ACTR3C: variants seen among roughly 807,000 people sequenced by gnomAD.
ACTR3C encodes actin-related protein 3C.
In ACTR3C, 18 loss-of-function variants were observed where a neutral mutation model predicts 26.3. The observed-to-expected ratio is 0.68, with a 90% CI of 0.47 to 1.01. ACTR3C has a LOEUF of 1.01. Among genes scored for constraint, ACTR3C ranks in the 50% least tolerant of loss-of-function variants. The pLI is 0.00. For missense variants in ACTR3C, 184 were observed against 250.7 expected, an observed-to-expected ratio of 0.73 and a Z score of 1.80; for synonymous variants, 55 against 94.5, an observed-to-expected ratio of 0.58 and a Z score of 2.42.
chr7:150,009,006 C>T, the ACTR3C span, among the ~76,000 whole-genome samples: 1 of 152,260 alleles, frequency 6.6e-6, no homozygotes, highest in Non-Finnish European at 1.5e-5. Flanking sequence ...AGACGGCAGG[C>T]ATCGTGGCTG....
the ACTR3C span, among the ~76,000 whole-genome samples, chr7:149,936,116 C>T: frequency 2.0e-5 from 3 of 152,132 alleles, no homozygotes; most frequent in African/African-American, 4.8e-5. Flanking sequence ...GGTGACAGAA[C>T]GAGGTAGGTT....
At chr7:149,945,779 G>C in the ACTR3C span, among the ~76,000 whole-genome samples, 2 of 152,208 alleles carry the variant, frequency 1.3e-5, no homozygotes, top group Non-Finnish European at 2.9e-5. Context: ...GGAAGCACTG[G>C]GGAGGCCATC....
the ACTR3C span, among the ~76,000 whole-genome samples, chr7:150,038,664 C>A: frequency 8.3e-5 from 12 of 144,726 alleles, no homozygotes; most frequent in East Asian, 9.8e-4. Flanking sequence ...CACGTAAGGT[C>A]GGAAGATTTG....
the ACTR3C span, among the ~76,000 whole-genome samples, chr7:149,928,207 T>C: frequency 1.3e-5 from 2 of 150,178 alleles, no homozygotes; most frequent in South Asian, 2.1e-4. Flanking sequence ...CTTTTCTTTT[T>C]TTTTTTTTTG....
the ACTR3C span, among the ~76,000 whole-genome samples, chr7:149,972,405 C>G: frequency 6.6e-6 from 1 of 152,240 alleles, no homozygotes; most frequent in East Asian, 1.9e-4. Flanking sequence ...GAAGAAAACA[C>G]TAACTCCCTG....
chr7:150,223,752 A>T, the ACTR3C span, among the ~76,000 whole-genome samples: 1 of 152,218 alleles, frequency 6.6e-6, no homozygotes, highest in African/African-American at 2.4e-5. Context: ...GAAGGTTTTA[A>T]ACAAAGCACA....
chr7:150,006,328 C>G, the ACTR3C span, among the ~76,000 whole-genome samples: 1 of 151,618 alleles, frequency 6.6e-6, no homozygotes, highest in Non-Finnish European at 1.5e-5. Context: ...TCCCGAGTAG[C>G]TGGGACTACA....
the ACTR3C span, among the ~76,000 whole-genome samples, chr7:150,213,933 A>G: frequency 6.9e-6 from 1 of 145,382 alleles, no homozygotes; most frequent in Non-Finnish European, 1.5e-5. Flanking sequence ...AAAGTCTTGA[A>G]GAGGACTCAC....
chr7:150,073,242 C>T, the ACTR3C span, among the ~76,000 whole-genome samples: 295 of 152,216 alleles, frequency 1.9e-3, no homozygotes, highest in Middle Eastern at 6.8e-3. Flanking sequence ...GTCAGGAAGC[C>T]GCATGTTCCC....
downstream of ACTR3C, among the ~76,000 whole-genome samples, chr7:150,243,374 C>T (rs1457137178): frequency 6.6e-5 from 10 of 151,616 alleles, no homozygotes; most frequent in Admixed American, 5.2e-4. Context: ...TTTAGGATAA[C>T]GGTAGTACAC....
chr7:150,270,958 A>G (rs537291601), intron 6 of ACTR3C, among the ~76,000 whole-genome samples: 1 of 152,186 alleles, frequency 6.6e-6, no homozygotes, highest in East Asian at 1.9e-4. Flanking sequence ...TCAAAATCCA[A>G]CAACAACCCT....
the ACTR3C span, among the ~76,000 whole-genome samples, chr7:150,187,039 CTATT>C: frequency 6.6e-6 from 1 of 151,904 alleles, no homozygotes; most frequent in Non-Finnish European, 1.5e-5. Context: ...AATCATTTCT[CTATT>C]TGAAGGAGTT....
the ACTR3C span, among the ~76,000 whole-genome samples, chr7:150,204,579 A>C: frequency 6.6e-6 from 1 of 152,194 alleles, no homozygotes; most frequent in Non-Finnish European, 1.5e-5. Context: ...AGAGAGACCC[A>C]TCACCAGATG....
the ACTR3C span, among the ~76,000 whole-genome samples, chr7:150,038,312 C>A: frequency 2.1e-5 from 3 of 144,428 alleles, no homozygotes; most frequent in Non-Finnish European, 4.6e-5. Flanking sequence ...GCCAGGGCCC[C>A]ACAGTTTGGG....
the ACTR3C span, among the ~76,000 whole-genome samples, chr7:150,047,449 C>T: frequency 1.9e-3 from 293 of 152,208 alleles, no homozygotes; most frequent in African/African-American, 6.8e-3. Flanking sequence ...GCGATGACCG[C>T]GATCTGGCGC....
At chr7:150,140,786 G>A in the ACTR3C span, among the ~76,000 whole-genome samples, 2 of 152,248 alleles carry the variant, frequency 1.3e-5, no homozygotes, top group Non-Finnish European at 2.9e-5. Context: ...AATTAGAATT[G>A]ATTATGCTGA....
the ACTR3C span, among the ~76,000 whole-genome samples, chr7:149,973,768 A>G: frequency 6.6e-6 from 1 of 151,674 alleles, no homozygotes; most frequent in Non-Finnish European, 1.5e-5. Context: ...TTGCCAGTCC[A>G]GGTGTCCGAC....
chr7:150,316,479 GGTT>G (rs1796896818), intron 1 of ACTR3C, among the ~76,000 whole-genome samples: 1 of 131,870 alleles, frequency 7.6e-6, no homozygotes, highest in South Asian at 2.4e-4. Flanking sequence ...TTTAGAATCT[GGTT>G]ATTTTTTTTT....
At chr7:150,307,886 G>A (rs73472370) in intron 1 of ACTR3C, among the ~76,000 whole-genome samples, 6,233 of 152,138 alleles carry the variant, frequency 0.041, 417 homozygotes, top group African/African-American at 0.14. Context: ...AACCTCTGTC[G>A]CTATCCCTCA....
Sources: gnomAD v4.1 joint callset for allele counts (sites outside exome capture counted in the v4.1 genomes callset) on GRCh38, gnomAD v4.1.1 for gene constraint, MANE v1.5 for transcripts, NCBI Gene and HGNC (gene_info 2026-07-23, HGNC 2026-07-21) for gene names.